Variants in ATP11A observed in about 807,000 individuals in gnomAD.
The protein encoded by ATP11A is ATPase phospholipid transporting 11A, also known as phospholipid-transporting ATPase IH.
In ATP11A, 81 loss-of-function variants were observed where a neutral mutation model predicts 154.4. The ratio of observed to expected loss-of-function variants is 0.52; its 90% CI spans 0.44 to 0.63. The LOEUF is 0.63. Among genes scored for constraint, ATP11A ranks in the 30% least tolerant of loss-of-function variants. The probability of loss-of-function intolerance (pLI) is 0.00; values close to 1 mark genes in which losing one functional copy is unlikely to be tolerated. For synonymous variants in ATP11A, 623 were observed against 585.9 expected, an observed-to-expected ratio of 1.06 and a Z score of -0.91; for missense variants, 1,316 against 1,474.3, an observed-to-expected ratio of 0.89 and a Z score of 1.76.
intron 1 of ATP11A, among the ~76,000 whole-genome samples, chr13:112,778,311 C>T (rs976222286): frequency 4.6e-5 from 7 of 152,204 alleles, no homozygotes; most frequent in Non-Finnish European, 1.0e-4. Context: ...TCCAGGTCAG[C>T]GGCTTTGAAA....
chr13:112,826,396 G>T (rs1279686170), intron 11 of ATP11A, among the ~76,000 whole-genome samples: 1 of 152,216 alleles, frequency 6.6e-6, no homozygotes, highest in Middle Eastern at 3.2e-3. Context: ...TGCCGCTGGT[G>T]TCTGGTTGGC....
chr13:112,768,753 C>T (rs1416987735), intron 1 of ATP11A, among the ~76,000 whole-genome samples: 2 of 152,172 alleles, frequency 1.3e-5, no homozygotes, highest in African/African-American at 4.8e-5. Flanking sequence ...GCAGCGACCC[C>T]TCGGTGTTCC....
At chr13:112,727,663 C>T (rs1344120549) in intron 1 of ATP11A, among the ~76,000 whole-genome samples, 4 of 152,314 alleles carry the variant, frequency 2.6e-5, no homozygotes, top group Admixed American at 2.6e-4. Flanking sequence ...ATGCAGGGCC[C>T]GCACAGGCCC....
At chr13:112,739,864 A>C (rs961985927) in intron 1 of ATP11A, among the ~76,000 whole-genome samples, 1 of 152,194 alleles carries the variant, frequency 6.6e-6, no homozygotes, top group Non-Finnish European at 1.5e-5. Flanking sequence ...TAAGTGAAGG[A>C]AGCTAGAAAT....
intron 1 of ATP11A, among the ~76,000 whole-genome samples, chr13:112,726,044 G>A (rs1260412164): frequency 6.6e-6 from 1 of 152,274 alleles, no homozygotes; most frequent in Non-Finnish European, 1.5e-5. Flanking sequence ...TTCTGTAAAC[G>A]CAGCTGGTGT....
chr13:112,701,548 C>T (rs1045668258), intron 1 of ATP11A, among the ~76,000 whole-genome samples: 2 of 152,262 alleles, frequency 1.3e-5, no homozygotes, highest in African/African-American at 4.8e-5. Context: ...AATTATCTGT[C>T]AGGGCCGGGC....
chr13:112,705,320 A>G (rs73576410), intron 1 of ATP11A, among the ~76,000 whole-genome samples: 2,082 of 137,068 alleles, frequency 0.015, 48 homozygotes, highest in African/African-American at 0.072. Flanking sequence ...AATGACACGT[A>G]GAGAGGGAAA....
chr13:112,781,336 G>A (rs571491589), intron 1 of ATP11A, among the ~76,000 whole-genome samples: 18 of 152,028 alleles, frequency 1.2e-4, no homozygotes, highest in South Asian at 2.1e-4. Context: ...CACCATGCCC[G>A]GCAGGGACCC....
At chr13:112,773,667 G>A (rs1263323428) in intron 1 of ATP11A, among the ~76,000 whole-genome samples, 1 of 152,176 alleles carries the variant, frequency 6.6e-6, no homozygotes, top group Non-Finnish European at 1.5e-5. Context: ...TGGGTAACTG[G>A]TCCTTCCTCA....
In ATP11A at chr13:112,865,160, G is replaced by A. The variant is rs61961587; in HGVS notation, c.2991+2585G>A. On this transcript the variant is annotated intron_variant, in intron 25 of 29. Coordinates refer to ENST00000375645, the MANE Select transcript of ATP11A (RefSeq NM_015205.3). Reference sequence around the variant, plus strand: ...CTGCGCAGTAATTCAGTGCAGGCCCGCGCAGCTTCCCAGCGGGGTCCATCA... The same window carrying A: ...CTGCGCAGTAATTCAGTGCAGGCCCACGCAGCTTCCCAGCGGGGTCCATCA... 3.3e-4 allele frequency among the ~76,000 whole-genome samples: 18 copies of A among 53,814 alleles called. 2 individuals carry two copies. Among genetic ancestry groups the A allele is most frequent in the African/African-American group, 4.8e-4 (7 of 14,560 alleles). 35.3% of individuals were successfully genotyped at this position (53,814 alleles called of 152,430 possible). A position where few individuals can be genotyped will look rare whatever the true frequency, so the allele number is the denominator to read the frequency against.
At chr13:112,705,737 A>G (rs1325569468) in intron 1 of ATP11A, among the ~76,000 whole-genome samples, 2 of 152,196 alleles carry the variant, frequency 1.3e-5, no homozygotes, top group Non-Finnish European at 2.9e-5. Context: ...TTGCTTTTCA[A>G]TAGTGTTTTA....
intron 1 of ATP11A, among the ~76,000 whole-genome samples, chr13:112,715,440 GGCCCACCTCCCCACACCTGGCCC>G (rs1410491913): frequency 2.6e-5 from 3 of 116,774 alleles, no homozygotes; most frequent in East Asian, 2.4e-4. Flanking sequence ...CCCCACACCT[GGCCCACCTCCCCACACCTGGCCC>G]ATCCCCCACA....
At chr13:112,774,336 G>A (rs1319860114) in intron 1 of ATP11A, among the ~76,000 whole-genome samples, 1 of 152,164 alleles carries the variant, frequency 6.6e-6, no homozygotes, top group East Asian at 1.9e-4. Flanking sequence ...ATCTCCAGTT[G>A]CAGAAATTAG....
At chr13:112,837,116 A>C (rs2079258694) in intron 16 of ATP11A, among the ~76,000 whole-genome samples, 1 of 152,204 alleles carries the variant, frequency 6.6e-6, no homozygotes, top group African/African-American at 2.4e-5. Context: ...TGCCCTGGAC[A>C]GGCAGGGCCC....
chr13:112,715,872 T>C (rs1350957344), intron 1 of ATP11A, among the ~76,000 whole-genome samples: 1 of 151,224 alleles, frequency 6.6e-6, no homozygotes, highest in Admixed American at 6.6e-5. Context: ...AGAGACAGAG[T>C]GTATGGCCTT....
At chr13:112,868,427 G>C (rs2080408130) in intron 25 of ATP11A, among the ~76,000 whole-genome samples, 1 of 152,208 alleles carries the variant, frequency 6.6e-6, no homozygotes, top group African/African-American at 2.4e-5. Context: ...GGGAGGAAGT[G>C]GGGGCATGGG....
chr13:112,747,499 T>G (rs1268258168), intron 1 of ATP11A: 1 of 152,252 alleles, frequency 6.6e-6, no homozygotes, highest in Non-Finnish European at 1.5e-5. Context: ...GTGCATTATG[T>G]GCACATTCAA....
chr13:112,806,665 T>C (rs1434992268), intron 4 of ATP11A, among the ~76,000 whole-genome samples: 1 of 152,070 alleles, frequency 6.6e-6, no homozygotes, highest in Non-Finnish European at 1.5e-5. Context: ...TGTTTGTTTT[T>C]GGTTTTGCTT....
intron 4 of ATP11A, 152 bp downstream of exon 4, chr13:112,806,445 T>TA (rs1429642240): frequency 2.2e-5 from 14 of 628,966 alleles, no homozygotes; most frequent in Non-Finnish European, 3.6e-5. Flanking sequence ...GTTAGATTGA[T>TA]ACTTGAAGCG....
Sources: gnomAD v4.1 joint callset for allele counts (sites outside exome capture counted in the v4.1 genomes callset) on GRCh38, gnomAD v4.1.1 for gene constraint, MANE v1.5 for transcripts, NCBI Gene and HGNC (gene_info 2026-07-23, HGNC 2026-07-21) for gene names.